METAP1: variants seen among roughly 807,000 people sequenced by gnomAD.
METAP1 encodes the protein methionine aminopeptidase 1.
A neutral mutation model predicts 53.8 loss-of-function variants in METAP1; 28 were observed. The observed-to-expected ratio is 0.52, with a 90% CI of 0.39 to 0.71. The LOEUF is 0.71. METAP1 is among the 30% of genes least tolerant of loss of function. The probability of loss-of-function intolerance (pLI) is 0.00; values close to 1 mark genes in which losing one functional copy is unlikely to be tolerated. For synonymous variants in METAP1, 181 were observed against 165.7 expected, an observed-to-expected ratio of 1.09 and a Z score of -0.71; for missense variants, 389 against 479.8, an observed-to-expected ratio of 0.81 and a Z score of 1.77.
At chr4:99,031,237 C>T (rs1458744701) in intron 2 of METAP1, among the ~76,000 whole-genome samples, 1 of 151,206 alleles carries the variant, frequency 6.6e-6, no homozygotes, top group Non-Finnish European at 1.5e-5. Flanking sequence ...CACAGTGTAC[C>T]TTAAGCAGCA....
At chr4:99,030,725 TGATAGTGA>T (rs1724950306) in intron 2 of METAP1, among the ~76,000 whole-genome samples, 2 of 151,494 alleles carry the variant, frequency 1.3e-5, no homozygotes, top group Non-Finnish European at 2.9e-5. Context: ...GTCCAAGAAG[TGATAGTGA>T]GATAACACAT....
chr4:99,031,101 G>GTTTT (rs56082818), intron 2 of METAP1, among the ~76,000 whole-genome samples: 34 of 109,876 alleles, frequency 3.1e-4, no homozygotes, highest in South Asian at 1.0e-3. Flanking sequence ...CTCAAAGGTA[G>GTTTT]TTTTTTTTTT....
intron 1 of METAP1, among the ~76,000 whole-genome samples, chr4:99,007,462 C>T (rs1490196695): frequency 6.6e-6 from 1 of 152,068 alleles, no homozygotes; most frequent in Admixed American, 6.6e-5. Flanking sequence ...CAATCTTTCT[C>T]TGAGTGGTTT....
In METAP1 at chr4:99,035,288, T is replaced by C. The variant is rs536228315; in HGVS notation, c.280-112T>C. 1.0e-4 allele frequency: 73 copies of C among 715,966 alleles called. No individual in the cohort carries two copies. The African/African-American group carries it at 1.1e-3, about 11-fold the overall frequency. The allele number at this position is 715,966 out of a possible 1,614,324, so 44.4% of individuals were successfully genotyped here. Reference sequence around the variant, plus strand: ...ATCTTAATGAAATATATATCTGTTATAATATTTAAGATGCCATTTAAAACT... The same window carrying C: ...ATCTTAATGAAATATATATCTGTTACAATATTTAAGATGCCATTTAAAACT... On this transcript the variant is annotated intron_variant, in intron 3 of 10. Coordinates refer to ENST00000296411, the MANE Select transcript of METAP1 (RefSeq NM_015143.3).
At chr4:99,034,629 G>A (rs1422875217) in intron 3 of METAP1, among the ~76,000 whole-genome samples, 1 of 152,080 alleles carries the variant, frequency 6.6e-6, no homozygotes, top group Admixed American at 6.6e-5. Context: ...GTGTACAGTC[G>A]TCCCTCGATA....
chr4:99,033,944 G>T (rs779444603), intron 2 of METAP1, among the ~76,000 whole-genome samples: 14 of 152,088 alleles, frequency 9.2e-5, no homozygotes, highest in Non-Finnish European at 1.5e-4. Context: ...ACCTGTTCTT[G>T]TTCGATATTA....
At chr4:99,040,117 T>C (rs1193377982) in intron 5 of METAP1, among the ~76,000 whole-genome samples, 1 of 152,264 alleles carries the variant, frequency 6.6e-6, no homozygotes, top group Non-Finnish European at 1.5e-5. Context: ...ATCTGGTGGA[T>C]AGTCTATATT....
intron 4 of METAP1, 168 bp from the exon 5 acceptor site, chr4:99,039,206 G>A: frequency 2.2e-6 from 1 of 451,668 alleles, no homozygotes; most frequent in Non-Finnish European, 3.9e-6. Flanking sequence ...TCCCTTTGAT[G>A]TTGAAAATGT....
chr4:99,007,619 G>A (rs978282327), intron 1 of METAP1, among the ~76,000 whole-genome samples: 1 of 150,220 alleles, frequency 6.7e-6, no homozygotes, highest in Non-Finnish European at 1.5e-5. Flanking sequence ...AATGAACTAC[G>A]TTCCACCATT....
intron 1 of METAP1, among the ~76,000 whole-genome samples, chr4:99,027,444 T>C (rs1724641452): frequency 6.6e-6 from 1 of 152,020 alleles, no homozygotes; most frequent in African/African-American, 2.4e-5. Context: ...AGAACAGACA[T>C]GGTTTGTGAA....
intron 1 of METAP1, among the ~76,000 whole-genome samples, chr4:98,999,351 G>T (rs1327660346): frequency 6.6e-6 from 1 of 151,674 alleles, no homozygotes; most frequent in Admixed American, 6.6e-5. Context: ...TTTTAAAATG[G>T]GGCTATTAAT....
At chr4:99,000,706 CTTT>C (rs1162206376) in intron 1 of METAP1, among the ~76,000 whole-genome samples, 3 of 97,898 alleles carry the variant, frequency 3.1e-5, no homozygotes, top group Non-Finnish European at 4.3e-5. Context: ...CTCTCTCTCT[CTTT>C]TTTTTTTTTT....
chr4:99,035,556 G>T, intron 4 of METAP1, 96 bp downstream of exon 4: 1 of 862,750 alleles, frequency 1.2e-6, no homozygotes, highest in Non-Finnish European at 1.8e-6. Flanking sequence ...ATTTTTCAGT[G>T]CTGGACTTCT....
chr4:99,004,948 G>T (rs567265586), intron 1 of METAP1, among the ~76,000 whole-genome samples: 2 of 152,054 alleles, frequency 1.3e-5, no homozygotes, highest in South Asian at 4.2e-4. Flanking sequence ...GGTTGTTACG[G>T]TTTTTCTATT....
chr4:99,040,296 T>A (rs2110364927), intron 5 of METAP1, among the ~76,000 whole-genome samples: 1 of 152,330 alleles, frequency 6.6e-6, no homozygotes, highest in Non-Finnish European at 1.5e-5. Flanking sequence ...ACTCATTAGG[T>A]GAAATCACAT....
chr4:99,054,804 GGA>G (rs566597411), intron 9 of METAP1, among the ~76,000 whole-genome samples: 122 of 152,270 alleles, frequency 8.0e-4, no homozygotes, highest in Non-Finnish European at 3.1e-4. Context: ...CTGAGGAGAG[GGA>G]GAGAGAAGTG....
chr4:99,033,289 G>A (rs1354702853), intron 2 of METAP1, among the ~76,000 whole-genome samples: 1 of 150,344 alleles, frequency 6.7e-6, no homozygotes, highest in African/African-American at 2.4e-5. Flanking sequence ...AATCAAGTTT[G>A]AAGTTTGACT....
chr4:99,040,137 A>G (rs139209622), intron 5 of METAP1, among the ~76,000 whole-genome samples: 11 of 152,316 alleles, frequency 7.2e-5, no homozygotes, highest in Non-Finnish European at 1.0e-4. Flanking sequence ...TTAGATGACA[A>G]TCCTTTTCAT....
rs1315608071 is a variant in METAP1, at chr4:98,995,816, G to C, written c.63G>C (p.Gln21His). 4.5e-6 allele frequency: 7 copies of C among 1,544,956 alleles called. No individual in the cohort carries two copies. In the African/African-American group the frequency reaches 5.5e-5, roughly 12 times the overall value. ...TDGCSSEAKLQCPTCIKLGIQ... is the reference protein window; with the variant it reads ...TDGCSSEAKLHCPTCIKLGIQ... ...GCTGCAGCAGTGAGGCCAAGCTCCA[G>C]TGTCCCACTTGCATCAAGCTGGGCA... The change falls in exon 1 of 11, where the codon CAG becomes CAC. Residue 21 changes from glutamine (Q) to histidine (H), a missense_variant. Transcript: ENST00000296411.
Sources: allele counts gnomAD v4.1 joint callset (sites outside exome capture counted in the v4.1 genomes callset), GRCh38; gene constraint gnomAD v4.1.1; transcripts MANE v1.5; gene names NCBI Gene and HGNC (gene_info 2026-07-23, HGNC 2026-07-21).